The following NAALADL2 variants were observed in gnomAD, a reference collection of about 807,000 sequenced individuals.
NAALADL2 encodes the protein inactive N-acetylated-alpha-linked acidic dipeptidase-like protein 2.
Under a neutral mutation model 87.2 loss-of-function variants are expected in NAALADL2, and 76 were observed. The ratio of observed to expected loss-of-function variants is 0.87; its 90% CI spans 0.72 to 1.05. The LOEUF is 1.05. NAALADL2 is among the 50% of genes least tolerant of loss of function. The pLI is 0.00. For synonymous variants in NAALADL2, 354 were observed against 331.0 expected (o/e 1.07, Z -0.75); for missense variants, 1,089 against 945.8 (o/e 1.15, Z -1.99).
intron 2 of NAALADL2, among the ~76,000 whole-genome samples, chr3:175,203,158 A>T (rs771151879): frequency 6.6e-5 from 10 of 152,196 alleles, no homozygotes; most frequent in Middle Eastern, 6.8e-3. Flanking sequence ...TTCTTGACCC[A>T]TTCAAATAAT....
At chr3:175,515,632 G>T (rs1731731929) in intron 9 of NAALADL2, among the ~76,000 whole-genome samples, 1 of 151,660 alleles carries the variant, frequency 6.6e-6, no homozygotes, top group Admixed American at 6.6e-5. Context: ...GGAGGACCCA[G>T]CTCTGAATTA....
intron 1 of NAALADL2, among the ~76,000 whole-genome samples, chr3:175,068,479 C>A (rs1308409828): frequency 6.6e-6 from 1 of 151,800 alleles, no homozygotes; most frequent in Non-Finnish European, 1.5e-5. Flanking sequence ...TGTGATAGAC[C>A]ACCTCAAAAG....
intron 4 of NAALADL2, among the ~76,000 whole-genome samples, chr3:175,320,891 G>A (rs1188004823): frequency 2.9e-5 from 4 of 137,066 alleles, no homozygotes; most frequent in East Asian, 4.0e-4. Flanking sequence ...ATTCACAGCC[G>A]AATTCTACCA....
intron 2 of NAALADL2, among the ~76,000 whole-genome samples, chr3:174,710,127 T>A (rs1405132442): frequency 6.6e-6 from 1 of 152,140 alleles, no homozygotes; most frequent in Non-Finnish European, 1.5e-5. Context: ...TGAATCTAGG[T>A]ACTGCTGTGA....
intron 2 of NAALADL2, among the ~76,000 whole-genome samples, chr3:175,137,436 G>A (rs546722715): frequency 6.6e-6 from 1 of 151,926 alleles, no homozygotes; most frequent in African/African-American, 2.4e-5. Flanking sequence ...AAAATGACAT[G>A]CCTTAATTTA....
intron 2 of NAALADL2, among the ~76,000 whole-genome samples, chr3:174,673,972 C>T (rs1578503376): frequency 6.6e-6 from 1 of 151,864 alleles, no homozygotes; most frequent in African/African-American, 2.4e-5. Flanking sequence ...CTGTTTTAGG[C>T]AATTCTTACA....
chr3:175,700,631 AAAG>A (rs1401512266), intron 11 of NAALADL2, among the ~76,000 whole-genome samples: 1 of 152,140 alleles, frequency 6.6e-6, no homozygotes, highest in Non-Finnish European at 1.5e-5. Context: ...GAAAATGTGA[AAAG>A]AAAGTATGGG....
intron 3 of NAALADL2, among the ~76,000 whole-genome samples, chr3:174,827,965 T>C (rs950813023): frequency 6.6e-6 from 1 of 152,138 alleles, no homozygotes; most frequent in Non-Finnish European, 1.5e-5. Context: ...AGAGGATCGC[T>C]TGAGGCCAGG....
At chr3:175,225,457 C>G (rs912732235) in intron 2 of NAALADL2, among the ~76,000 whole-genome samples, 3 of 151,968 alleles carry the variant, frequency 2.0e-5, no homozygotes, top group Admixed American at 2.0e-4. Flanking sequence ...AAGACTACTA[C>G]CTGTCTTTTA....
chr3:174,467,251 T>G (rs1553769901), intron 1 of NAALADL2, among the ~76,000 whole-genome samples: 1 of 152,126 alleles, frequency 6.6e-6, no homozygotes, highest in Non-Finnish European at 1.5e-5. Flanking sequence ...ATATGTGAGA[T>G]ATGATGGATT....
chr3:175,415,609 C>T (rs1442064712), intron 5 of NAALADL2, among the ~76,000 whole-genome samples: 2 of 151,924 alleles, frequency 1.3e-5, no homozygotes, highest in Non-Finnish European at 2.9e-5. Flanking sequence ...CAAACTCATA[C>T]AGTAATACTC....
At chr3:175,184,796 A>G (rs1337634491) in intron 2 of NAALADL2, among the ~76,000 whole-genome samples, 1 of 152,082 alleles carries the variant, frequency 6.6e-6, no homozygotes, top group East Asian at 1.9e-4. Flanking sequence ...CGAACCTCTG[A>G]TTCAACTTTT....
At position 174,791,046 on chromosome 3, in the gene NAALADL2, G is replaced by A. The variant is rs189877383; in HGVS notation, c.-9+53300G>A. 2.6e-5 allele frequency among the ~76,000 whole-genome samples: 4 copies of A among 152,164 alleles called. No individual in the cohort carries two copies. In the East Asian group the frequency reaches 7.7e-4, roughly 29 times the overall value. On this transcript the variant is annotated intron_variant, in intron 3 of 3. Transcript: ENST00000434257. ...TCAAAAGGAAAGCGTGGTGAAACAAGAGTTATTACTCCACTGCATCTCAGA... is the reference window on the plus strand; with the variant it reads ...TCAAAAGGAAAGCGTGGTGAAACAAAAGTTATTACTCCACTGCATCTCAGA...
intron 1 of NAALADL2, among the ~76,000 whole-genome samples, chr3:175,077,243 C>A (rs1254162827): frequency 6.6e-6 from 1 of 152,070 alleles, no homozygotes. Context: ...ATATTTCAAG[C>A]TTTAAATGTG....
At chr3:174,677,013 C>G (rs1727100340) in intron 2 of NAALADL2, among the ~76,000 whole-genome samples, 1 of 151,832 alleles carries the variant, frequency 6.6e-6, no homozygotes, top group Non-Finnish European at 1.5e-5. Context: ...TCTTGGCTAG[C>G]TAGCTATCCA....
chr3:174,692,897 G>T (rs1483543826), intron 2 of NAALADL2, among the ~76,000 whole-genome samples: 3 of 117,820 alleles, frequency 2.5e-5, no homozygotes, highest in Non-Finnish European at 4.0e-5. Flanking sequence ...AACTCAACTT[G>T]ATAATAAAAT....
intron 1 of NAALADL2, among the ~76,000 whole-genome samples, chr3:175,034,616 T>A (rs530146110): frequency 7.9e-5 from 12 of 152,166 alleles, no homozygotes; most frequent in Non-Finnish European, 1.2e-4. Context: ...CATGGCATGT[T>A]ATTTATTATT....
Position 175,013,301 on chromosome 3 carries a change from A to ATTTTTT in NAALADL2, c.44-83479_44-83474dup, listed in dbSNP as rs753716843. Among the ~76,000 whole-genome samples, 27 of 72,062 alleles carry ATTTTTT rather than the reference A, an allele frequency of 3.7e-4. 1 individual carries two copies. Among genetic ancestry groups the ATTTTTT allele is most frequent in the East Asian group, 1.2e-3 (3 of 2,406 alleles). 47.3% of individuals were successfully genotyped at this position (72,062 alleles called of 152,430 possible). A position where few individuals can be genotyped will look rare whatever the true frequency, so the allele number is the denominator to read the frequency against. ...TACATATATATATATATATATATAT[A>ATTTTTT]TTTTTTTTTTTTTTTGAGACAGGGT... On this transcript the variant is annotated intron_variant, in intron 1 of 13. Coordinates refer to ENST00000454872, the MANE Select transcript of NAALADL2 (RefSeq NM_207015.3).
chr3:175,505,841 C>T (rs1402996017), intron 9 of NAALADL2, among the ~76,000 whole-genome samples: 1 of 152,118 alleles, frequency 6.6e-6, no homozygotes, highest in Non-Finnish European at 1.5e-5. Flanking sequence ...CAAATTTTCT[C>T]CATTCACTTT....
Sources: gnomAD v4.1 joint callset for allele counts (sites outside exome capture counted in the v4.1 genomes callset) on GRCh38, gnomAD v4.1.1 for gene constraint, MANE v1.5 for transcripts, NCBI Gene and HGNC (gene_info 2026-07-23, HGNC 2026-07-21) for gene names.